DPP10: variants seen among roughly 807,000 people sequenced by gnomAD.
DPP10 encodes dipeptidyl peptidase like 10.
Under a neutral mutation model 120.9 loss-of-function variants are expected in DPP10, and 33 were observed. The ratio of observed to expected loss-of-function variants is 0.27; its 90% CI spans 0.21 to 0.37. DPP10 has a LOEUF of 0.37. Among genes scored for constraint, DPP10 ranks in the 10% least tolerant of loss-of-function variants. DPP10 has a pLI of 1.00. For synonymous variants in DPP10, 337 were observed against 326.1 expected (o/e 1.03, Z -0.36); for missense variants, 816 against 942.8 (o/e 0.87, Z 1.76).
chr2:115,102,283 T>A (rs2048728124), intron 1 of DPP10, among the ~76,000 whole-genome samples: 1 of 152,170 alleles, frequency 6.6e-6, no homozygotes, highest in Non-Finnish European at 1.5e-5. Flanking sequence ...TATATAAACC[T>A]AATTACCTCT....
chr2:115,152,874 G>A (rs938576947), intron 1 of DPP10, among the ~76,000 whole-genome samples: 10 of 152,078 alleles, frequency 6.6e-5, no homozygotes, highest in Admixed American at 4.6e-4. Flanking sequence ...TATGGATGTC[G>A]GCAAAAGACA....
intron 3 of DPP10, among the ~76,000 whole-genome samples, chr2:115,402,881 G>C (rs1278776845): frequency 9.2e-4 from 105 of 113,956 alleles, no homozygotes; most frequent in Non-Finnish European, 1.7e-3. Flanking sequence ...ATATATGTGT[G>C]TGTGTGTGTG....
At chr2:114,757,897 C>T (rs1197361093) in intron 1 of DPP10, among the ~76,000 whole-genome samples, 1 of 152,110 alleles carries the variant, frequency 6.6e-6, no homozygotes, top group East Asian at 1.9e-4. Flanking sequence ...GCTGTCAATT[C>T]CTACTCCCTT....
intron 1 of DPP10, among the ~76,000 whole-genome samples, chr2:114,992,974 C>T (rs1484886334): frequency 2.0e-5 from 3 of 152,144 alleles, no homozygotes; most frequent in African/African-American, 7.2e-5. Context: ...ATTGATTTTC[C>T]TCATGGTCAC....
chr2:114,996,721 C>T (rs1053132772), intron 1 of DPP10, among the ~76,000 whole-genome samples: 3 of 152,090 alleles, frequency 2.0e-5, no homozygotes, highest in Non-Finnish European at 2.9e-5. Context: ...TGGTGGCTCA[C>T]GCCTGTAATC....
chr2:115,162,261 G>A (rs1214642325), intron 1 of DPP10: 5 of 1,559,094 alleles, frequency 3.2e-6, no homozygotes, highest in East Asian at 2.4e-5. Flanking sequence ...CCGCGGGGAA[G>A]GGGGCAGAGA....
intron 19 of DPP10, among the ~76,000 whole-genome samples, chr2:115,800,346 G>C (rs1685055711): frequency 6.6e-6 from 1 of 152,108 alleles, no homozygotes; most frequent in African/African-American, 2.4e-5. Flanking sequence ...CCCTTTGTCA[G>C]ATGAGTAGGT....
At chr2:115,528,288 A>G (rs1055011863) in intron 5 of DPP10, among the ~76,000 whole-genome samples, 3 of 151,922 alleles carry the variant, frequency 2.0e-5, no homozygotes, top group African/African-American at 7.2e-5. Context: ...CAGCACACCA[A>G]CATGGCACAT....
rs1164911354 is a variant in DPP10, at chr2:114,812,575, G to A, written c.60+369737G>A. Among the ~76,000 whole-genome samples the A allele has an allele frequency of 2.6e-4, 32 of 122,456 alleles. No individual in the cohort carries two copies. In the East Asian group the frequency reaches 3.2e-3, roughly 12 times the overall value. The allele number at this position is 122,456 out of a possible 152,430, so 80.3% of individuals were successfully genotyped here. On this transcript the variant is annotated intron_variant, in intron 1 of 25. Coordinates refer to ENST00000410059, the MANE Select transcript of DPP10 (RefSeq NM_020868.6). ...TGCACTCCAGCCTGGGCAACAGGGT[G>A]AGACATTGACACACACACACACACA...
chr2:114,764,903 G>T (rs1327160377), intron 1 of DPP10, among the ~76,000 whole-genome samples: 1 of 152,054 alleles, frequency 6.6e-6, no homozygotes, highest in Admixed American at 6.6e-5. Flanking sequence ...AATGTTGTGG[G>T]GAAAATTCTA....
At chr2:114,998,015 T>C (rs2104979383) in intron 1 of DPP10, among the ~76,000 whole-genome samples, 1 of 152,298 alleles carries the variant, frequency 6.6e-6, no homozygotes, top group East Asian at 1.9e-4. Flanking sequence ...TTCCACTGTC[T>C]CCACAAACCA....
intron 5 of DPP10, among the ~76,000 whole-genome samples, chr2:115,597,072 G>A (rs146276716): frequency 9.2e-4 from 140 of 152,252 alleles, no homozygotes; most frequent in African/African-American, 3.1e-3. Flanking sequence ...GAAGTAAAAC[G>A]CATATCCCTC....
chr2:115,555,444 A>C (rs2080150594), intron 5 of DPP10, among the ~76,000 whole-genome samples: 1 of 152,118 alleles, frequency 6.6e-6, no homozygotes, highest in Non-Finnish European at 1.5e-5. Context: ...AATGACTAGG[A>C]AATATATGGG....
At chr2:115,441,520 T>G (rs1173339390) in intron 3 of DPP10, among the ~76,000 whole-genome samples, 1 of 152,180 alleles carries the variant, frequency 6.6e-6, no homozygotes, top group African/African-American at 2.4e-5. Context: ...CTATTCATAT[T>G]TAGGGTAAAT....
intron 1 of DPP10, among the ~76,000 whole-genome samples, chr2:114,939,682 A>G (rs1275512328): frequency 6.6e-6 from 1 of 152,136 alleles, no homozygotes; most frequent in Non-Finnish European, 1.5e-5. Context: ...TTTTTAAGAA[A>G]CTTACTTCAC....
chr2:115,732,119 T>G (rs944104087), intron 8 of DPP10, among the ~76,000 whole-genome samples: 5 of 152,316 alleles, frequency 3.3e-5, no homozygotes, highest in African/African-American at 1.2e-4. Context: ...TTTTTATTAC[T>G]TTACAGGAGT....
intron 1 of DPP10, among the ~76,000 whole-genome samples, chr2:114,523,008 GC>G (rs1404523027): frequency 2.0e-5 from 3 of 152,314 alleles, no homozygotes; most frequent in African/African-American, 7.2e-5. Context: ...GGCACATGCA[GC>G]CAAACCATAT....
At chr2:114,748,537 A>G (rs1484236312) in intron 1 of DPP10, among the ~76,000 whole-genome samples, 6 of 116,276 alleles carry the variant, frequency 5.2e-5, no homozygotes, top group African/African-American at 2.0e-4. Context: ...ATATCTCCCA[A>G]TGCTATCCCT....
chr2:114,768,538 T>C (rs1326569319), intron 1 of DPP10, among the ~76,000 whole-genome samples: 2 of 152,218 alleles, frequency 1.3e-5, no homozygotes, highest in Non-Finnish European at 2.9e-5. Flanking sequence ...GTTGGTTCTC[T>C]AATTTTAAGG....
Sources: allele counts gnomAD v4.1 joint callset (sites outside exome capture counted in the v4.1 genomes callset), GRCh38; gene constraint gnomAD v4.1.1; transcripts MANE v1.5; gene names NCBI Gene and HGNC (gene_info 2026-07-23, HGNC 2026-07-21).